Variants in CACNA1S observed in about 807,000 individuals in gnomAD.
CACNA1S encodes calcium voltage-gated channel subunit alpha1 S.
Under a neutral mutation model 207.4 loss-of-function variants are expected in CACNA1S, and 126 were observed. The observed-to-expected ratio is 0.61, with a 90% CI of 0.53 to 0.70. The LOEUF (loss-of-function observed/expected upper bound fraction) is 0.70. Among genes scored for constraint, CACNA1S ranks in the 30% least tolerant of loss-of-function variants. The pLI is 0.00. For synonymous variants in CACNA1S, 960 were observed against 932.7 expected (o/e 1.03, Z -0.53); for missense variants, 2,349 against 2,422.8 (o/e 0.97, Z 0.64).
At chr1:201,075,399 G>A (rs1423820658) in intron 13 of CACNA1S, 96 bp downstream of exon 13, 2 of 1,509,838 alleles carry the variant, frequency 1.3e-6, no homozygotes, top group Non-Finnish European at 1.8e-6. Flanking sequence ...AGAGGGCCTG[G>A]CTACCTAGAA....
In CACNA1S at chr1:201,091,733, G is replaced by A. The variant is rs1260962754; in HGVS notation, c.601C>T (p.Leu201=). 1.2e-6 allele frequency: 2 copies of A among 1,614,000 alleles called. No homozygotes were observed. The highest frequency in any genetic ancestry group is 1.3e-5 in the African/African-American group (1 of 74,948). Residue 201 remains leucine (L), a synonymous_variant, in exon 5 of 44, where the codon CTG becomes TTG. Coordinates refer to ENST00000362061, the MANE Select transcript of CACNA1S (RefSeq NM_000069.3). ...ATGATGACCATAAAGAGGACCAGCA[G>A]GGCGATGTGAAAGAGGGGGAGCATG... ...KAMLPLFHIA[L]LVLFMVIIYA...
rs781014572 is a variant in CACNA1S at position 201,043,236 on chromosome 1, C to T, written c.5048+45G>A. 6.2e-6 allele frequency: 10 copies of T among 1,613,280 alleles called. No homozygotes were observed. The African/African-American group carries it at 8.0e-5, about 13-fold the overall frequency. On this transcript the variant is annotated intron_variant, in intron 40 of 43. Coordinates refer to ENST00000362061, the MANE Select transcript of CACNA1S (RefSeq NM_000069.3). ...CCAACCTGGAACCTGCTGACATTGT[C>T]CTCCCAGTACCTCTACACCCAGGGA...
Position 201,074,610 on chromosome 1 carries a change from G to C in CACNA1S, c.1959C>G (p.Leu653=), listed in dbSNP as rs1414491241. ...CCACGGCAATGGCCAGGAAGACATT[G>C]AGCAGGATGTCTGAGCGGGTTTAGC... ...ILFVCGNYIL[L]NVFLAIAVDN... is the part of the protein sequence containing the mutation. Residue 653 remains leucine (L), a synonymous_variant, in exon 14 of 44, where the codon CTC becomes CTG. Coordinates refer to ENST00000362061, the MANE Select transcript of CACNA1S (RefSeq NM_000069.3). The C allele has an allele frequency of 1.2e-5, 19 of 1,609,244 alleles. No homozygotes were observed. The highest frequency in any genetic ancestry group is 1.4e-5 in the Non-Finnish European group (17 of 1,175,922).
In CACNA1S at chr1:201,069,482, A is replaced by G. The variant is rs61238538; in HGVS notation, c.2480T>C (p.Met827Thr). The G allele has an allele frequency of 1.8e-3, 2,895 of 1,604,886 alleles. 38 individuals carry two copies. The African/African-American group carries it at 0.033, about 18-fold the overall frequency. ...GGTGAAGCCCGTCACCTGATTTCTC[A>G]TGGAATCAGCCCGGATGGGGTCTTC... ...AAEDPIRADS[M>T]RNQILKHFDI... The change falls in exon 18 of 44, where the codon ATG (methionine) becomes ACG (threonine). Residue 827 changes from methionine to threonine, a missense_variant. Transcript: ENST00000362061.
At position 201,040,615 on chromosome 1, in the gene CACNA1S, C is replaced by T; in HGVS notation, c.5226+7G>A. The T allele has an allele frequency of 6.2e-7, 1 of 1,612,234 alleles. No homozygotes were observed. Among genetic ancestry groups the T allele is most frequent in the Non-Finnish European group, 8.5e-7 (1 of 1,178,452 alleles). On this transcript the variant is annotated splice_region_variant and intron_variant, in intron 42 of 43. Coordinates refer to ENST00000362061, the MANE Select transcript of CACNA1S (RefSeq NM_000069.3). The stretch of plus-strand genomic sequence containing the variant: ...GGAGTTTGCTCCCAGGCCTCTGCCA[C>T]TGTTACCTGGCAGGGGGCAGGAGGT...
intron 38 of CACNA1S, among the ~76,000 whole-genome samples, chr1:201,045,254 T>C (rs1275506347): frequency 1.3e-5 from 2 of 152,158 alleles, no homozygotes; most frequent in East Asian, 3.9e-4. Flanking sequence ...CTGAGGGACA[T>C]ACTGACCTGC....
intron 19 of CACNA1S, among the ~76,000 whole-genome samples, chr1:201,068,755 C>G (rs1661346025): frequency 6.6e-6 from 1 of 151,952 alleles, no homozygotes; most frequent in South Asian, 2.1e-4. Context: ...GCCTGTAATC[C>G]CAGCTACTTG....
At position 201,040,418 on chromosome 1, in the gene CACNA1S, G is replaced by C. The variant is rs116678518; in HGVS notation, c.5227-44C>G. ...AGCAAAGACCCCGACAGGGGTGCTG[G>C]AGCCCACCAATGAGCAAAATTCCAG... On this transcript the variant is annotated intron_variant, in intron 42 of 43. Coordinates refer to ENST00000362061, the MANE Select transcript of CACNA1S (RefSeq NM_000069.3). 125 of 1,607,782 alleles carry C rather than the reference G, an allele frequency of 7.8e-5. No homozygotes were observed. In the African/African-American group the frequency reaches 1.5e-3, roughly 19 times the overall value.
chr1:201,067,669 T>C (rs1050989158), intron 19 of CACNA1S, among the ~76,000 whole-genome samples: 9 of 152,210 alleles, frequency 5.9e-5, no homozygotes, highest in Admixed American at 5.2e-4. Flanking sequence ...TTATCCTCTC[T>C]GGCAATGTCC....
At chr1:201,050,547 C>G (rs377625244) in intron 33 of CACNA1S, 31 bp from the exon 34 acceptor site, 113 of 1,613,414 alleles carry the variant, frequency 7.0e-5, no homozygotes, top group African/African-American at 1.1e-4. Context: ...GGTCCCAACA[C>G]AGAAAGGCAG....
In CACNA1S at chr1:201,062,025, A is replaced by C; in HGVS notation, c.2972T>G (p.Val991Gly). The change falls in exon 24 of 44, where the codon GTA becomes GGA. Residue 991 changes from valine (V) to glycine (G), a missense_variant. Coordinates refer to ENST00000362061, the MANE Select transcript of CACNA1S (RefSeq NM_000069.3). ...ATTGTCGAAGTGGAAGTCGCTGTGT[A>C]CCCACTCGCGGTGACGCAGCTCTAT... The part of the protein sequence containing the change: ...MQIELRHREW[V>G]HSDFHFDNVL... 1.2e-6 allele frequency: 2 copies of C among 1,614,138 alleles called. No homozygotes were observed. The highest frequency in any genetic ancestry group is 1.7e-6 in the Non-Finnish European group (2 of 1,179,972).
Position 201,039,823 on chromosome 1 carries a change from T to C in CACNA1S, c.*8A>G, listed in dbSNP as rs1342100292. On this transcript the variant is annotated 3_prime_UTR_variant, in exon 44 of 44. Coordinates refer to ENST00000362061, the MANE Select transcript of CACNA1S (RefSeq NM_000069.3). ...CAGCTCTAAGCCCATGCTGATGCTG[T>C]GTGGGCATCACAGCCTTGGAGGAAT... 5 of 1,602,536 alleles carry C rather than the reference T, an allele frequency of 3.1e-6. 1 individual carries two copies. In the South Asian group the frequency reaches 3.3e-5, roughly 11 times the overall value.
rs200848930 is a variant in CACNA1S at position 201,043,447 on chromosome 1, G to A, written c.4882C>T (p.Leu1628Phe). ...LPPVMANQRP[L>F]QFAEIEMEEM... ...TCCATCTCTATCTCAGCAAACTGGA[G>A]GGGTCTCTGATTGGCCATGACGGGG... Residue 1628 changes from leucine to phenylalanine, a missense_variant, in exon 40 of 44, where the codon CTC (leucine) becomes TTC (phenylalanine). Physicochemically the swap from Leu to Phe is conservative, Grantham distance 22 (BLOSUM62 0). Transcript: ENST00000362061. 126 of 1,614,126 alleles carry A rather than the reference G, an allele frequency of 7.8e-5. No homozygotes were observed. Among genetic ancestry groups the A allele is most frequent in the Non-Finnish European group, 1.0e-4 (122 of 1,180,034 alleles).
At chr1:201,071,872 A>C (rs1055729567) in intron 16 of CACNA1S, among the ~76,000 whole-genome samples, 2 of 152,218 alleles carry the variant, frequency 1.3e-5, no homozygotes, top group African/African-American at 4.8e-5. Flanking sequence ...AAATTCTTTC[A>C]TGCATTCATT....
At chr1:201,045,538 C>T (rs1660441233) in intron 38 of CACNA1S, among the ~76,000 whole-genome samples, 2 of 151,908 alleles carry the variant, frequency 1.3e-5, no homozygotes, top group South Asian at 4.2e-4. Context: ...AGTTTGAGAC[C>T]AGTCTGGCCA....
In CACNA1S at chr1:201,070,311, G is replaced by A. The variant is rs1204343983; in HGVS notation, c.2321C>T (p.Pro774Leu). The A allele has an allele frequency of 3.1e-6, 5 of 1,614,106 alleles. No individual in the cohort carries two copies. The highest frequency in any genetic ancestry group is 4.2e-6 in the Non-Finnish European group (5 of 1,180,034). Residue 774 changes from proline to leucine, a missense_variant, in exon 17 of 44, where the codon CCA (proline) becomes CTA (leucine). Transcript: ENST00000362061. ...LQLKEKAVPI[P>L]EASSFFIFSP... is the part of the protein sequence containing the mutation. ...GAAGATGAAGAAGGAGCTGGCTTCT[G>A]GAATGGGCACGGCCTTCTCTTTCAG...
intron 2 of CACNA1S, among the ~76,000 whole-genome samples, chr1:201,101,797 T>C (rs1466111668): frequency 6.6e-6 from 1 of 152,178 alleles, no homozygotes; most frequent in Admixed American, 6.5e-5. Flanking sequence ...CCGATGGCCC[T>C]TGCCATGACA....
rs759727620 is a variant in CACNA1S at position 201,091,947 on chromosome 1, G to C, written c.541+25C>G. 521 of 1,613,640 alleles carry C rather than the reference G, an allele frequency of 3.2e-4. 3 individuals are homozygous for C. Among genetic ancestry groups the C allele is most frequent in the Non-Finnish European group, 2.5e-5 (30 of 1,179,892 alleles). ...GGAACAGGAAGGGAGAGGAGAAAGG[G>C]GTCTGCAGGGACACTGCCACCCACT... is the stretch of plus-strand genomic sequence containing the variant. On this transcript the variant is annotated intron_variant, in intron 4 of 43. Coordinates refer to ENST00000362061, the MANE Select transcript of CACNA1S (RefSeq NM_000069.3).
chr1:201,040,093 G>A lies in CACNA1S; in HGVS notation c.5371-11C>T. 6.2e-7 allele frequency: 1 copy of A among 1,614,076 alleles called. No individual in the cohort carries two copies. The highest frequency in any genetic ancestry group is 1.1e-5 in the South Asian group (1 of 91,080). On this transcript the variant is annotated splice_polypyrimidine_tract_variant and intron_variant, in intron 43 of 43. Transcript: ENST00000362061. ...CCCTCGAACCAGAGCCTGCAGGGAG[G>A]AGAGTAGGCTGAGTGGGGTCTTCCT... is the stretch of plus-strand genomic sequence containing the variant.
Sources: gnomAD v4.1 joint callset for allele counts (sites outside exome capture counted in the v4.1 genomes callset) on GRCh38, gnomAD v4.1.1 for gene constraint, MANE v1.5 for transcripts, NCBI Gene and HGNC (gene_info 2026-07-23, HGNC 2026-07-21) for gene names.